The following CADM1 variants were observed in gnomAD, a reference collection of about 807,000 sequenced individuals.
The protein encoded by CADM1 is TSLC-1.
CADM1 carries 15 observed loss-of-function variants against 53.1 expected under a neutral mutation model. That is an observed-to-expected ratio of 0.28 (90% CI 0.19 to 0.44). The LOEUF is 0.44. CADM1 is among the 20% of genes least tolerant of loss of function. CADM1 has a pLI of 1.00. For synonymous variants in CADM1, 281 were observed against 243.0 expected, an observed-to-expected ratio of 1.16 and a Z score of -1.45; for missense variants, 434 against 611.3, an observed-to-expected ratio of 0.71 and a Z score of 3.06.
intron 1 of CADM1, among the ~76,000 whole-genome samples, chr11:115,246,857 AAT>A (rs1301011175): frequency 4.9e-4 from 74 of 152,204 alleles, no homozygotes; most frequent in African/African-American, 1.7e-3. Context: ...TAAAAGGAAA[AAT>A]ATTTTATTTA....
intron 1 of CADM1, among the ~76,000 whole-genome samples, chr11:115,251,869 A>G (rs1241821840): frequency 6.6e-6 from 1 of 152,210 alleles, no homozygotes; most frequent in Non-Finnish European, 1.5e-5. Flanking sequence ...ATGTGGAGAG[A>G]AGTCAGTGGA....
intron 1 of CADM1, among the ~76,000 whole-genome samples, chr11:115,437,057 T>A (rs1948199330): frequency 6.6e-6 from 1 of 152,184 alleles, no homozygotes; most frequent in South Asian, 2.1e-4. Context: ...TAGAGAAATC[T>A]GAGCAGCATC....
At chr11:115,255,301 G>A (rs1041505024) in intron 1 of CADM1, among the ~76,000 whole-genome samples, 5 of 152,116 alleles carry the variant, frequency 3.3e-5, no homozygotes, top group African/African-American at 7.2e-5. Flanking sequence ...AGGGTTTTCC[G>A]TAGCACCCAA....
At chr11:115,327,610 C>A (rs907863871) in intron 1 of CADM1, among the ~76,000 whole-genome samples, 79 of 151,968 alleles carry the variant, frequency 5.2e-4, no homozygotes, top group African/African-American at 1.8e-3. Context: ...AACCTCTACA[C>A]AACACACCTA....
At position 115,233,715 on chromosome 11, in the gene CADM1, TA is replaced by T. The variant is rs113851991; in HGVS notation, c.425-2226del. Among the ~76,000 whole-genome samples, 461 of 142,330 alleles carry T rather than the reference TA, an allele frequency of 3.2e-3. 2 individuals are homozygous for T. The highest frequency in any genetic ancestry group is 7.4e-3 in the Middle Eastern group (2 of 272). The allele number at this position is 142,330 out of a possible 152,430, so 93.4% of individuals were successfully genotyped here. A position where few individuals can be genotyped will look rare whatever the true frequency, so the allele number is the denominator to read the frequency against. The stretch of plus-strand genomic sequence containing the variant: ...TTCTCAACTAAGGAAGGAATGAAAG[TA>T]AAAAAAAAAAATACCTTTCAAGGTC... On this transcript the variant is annotated intron_variant, in intron 3 of 11. Coordinates refer to ENST00000331581, the MANE Select transcript of CADM1 (RefSeq NM_001301043.2).
At chr11:115,418,386 A>G (rs1431999430) in intron 1 of CADM1, among the ~76,000 whole-genome samples, 2 of 152,176 alleles carry the variant, frequency 1.3e-5, no homozygotes, top group Non-Finnish European at 1.5e-5. Flanking sequence ...ATATTTAGAA[A>G]AATCCTATAG....
chr11:115,355,063 C>T (rs561958871), intron 1 of CADM1, among the ~76,000 whole-genome samples: 1 of 152,208 alleles, frequency 6.6e-6, no homozygotes, highest in East Asian at 1.9e-4. Flanking sequence ...TAGAAATTAT[C>T]ACTCTAAAAG....
intron 1 of CADM1, among the ~76,000 whole-genome samples, chr11:115,245,723 T>C (rs1942386624): frequency 6.6e-6 from 1 of 152,164 alleles, no homozygotes; most frequent in African/African-American, 2.4e-5. Flanking sequence ...GGGAAAAATC[T>C]TTCTAACTAC....
intron 1 of CADM1, among the ~76,000 whole-genome samples, chr11:115,422,237 AGACT>A (rs1398560377): frequency 3.5e-4 from 53 of 152,210 alleles, no homozygotes; most frequent in Non-Finnish European, 7.2e-4. Flanking sequence ...GCTCTCAGAC[AGACT>A]ATTTCCTAAA....
chr11:115,370,950 A>G (rs1946292304), intron 1 of CADM1, among the ~76,000 whole-genome samples: 1 of 152,204 alleles, frequency 6.6e-6, no homozygotes, highest in African/African-American at 2.4e-5. Flanking sequence ...AACAGGGACA[A>G]GATTTACTGT....
At chr11:115,291,872 T>C (rs1217800012) in intron 1 of CADM1, among the ~76,000 whole-genome samples, 1 of 152,246 alleles carries the variant, frequency 6.6e-6, no homozygotes, top group Non-Finnish European at 1.5e-5. Context: ...AATTGCCTGT[T>C]GCTCTTTTAA....
intron 9 of CADM1, among the ~76,000 whole-genome samples, chr11:115,195,392 G>A (rs1940096224): frequency 6.6e-6 from 1 of 152,140 alleles, no homozygotes; most frequent in African/African-American, 2.4e-5. Flanking sequence ...TCTTCAAAGG[G>A]AAAGCTTTAA....
intron 1 of CADM1, among the ~76,000 whole-genome samples, chr11:115,295,516 AT>A (rs1944032720): frequency 1.9e-5 from 1 of 52,914 alleles, no homozygotes; most frequent in African/African-American, 1.4e-4. Context: ...TTATATATAT[AT>A]ATATATATAT....
intron 1 of CADM1, among the ~76,000 whole-genome samples, chr11:115,502,154 A>C (rs1949740370): frequency 1.3e-5 from 2 of 152,006 alleles, no homozygotes; most frequent in African/African-American, 4.8e-5. Flanking sequence ...GCAACTTCTC[A>C]CCGCGAGATA....
intron 1 of CADM1, among the ~76,000 whole-genome samples, chr11:115,494,293 G>A (rs1949563356): frequency 6.6e-6 from 1 of 152,102 alleles, no homozygotes; most frequent in South Asian, 2.1e-4. Context: ...CCTTCTGAAA[G>A]ACAAAGATGA....
At chr11:115,231,948 T>C (rs1565313271) in intron 3 of CADM1, among the ~76,000 whole-genome samples, 1 of 152,074 alleles carries the variant, frequency 6.6e-6, no homozygotes. Flanking sequence ...ATCGTGCCAT[T>C]GCATGCCAGC....
chr11:115,419,016 G>A (rs1158927715), intron 1 of CADM1, among the ~76,000 whole-genome samples: 2 of 152,114 alleles, frequency 1.3e-5, no homozygotes, highest in Non-Finnish European at 2.9e-5. Flanking sequence ...GCACACTGAA[G>A]GTTTTTTTGA....
intron 1 of CADM1, among the ~76,000 whole-genome samples, chr11:115,406,920 A>G (rs1947329557): frequency 6.6e-6 from 1 of 151,682 alleles, no homozygotes; most frequent in South Asian, 2.1e-4. Flanking sequence ...ATTGCACTCC[A>G]GCCTGGGCAA....
intron 1 of CADM1, among the ~76,000 whole-genome samples, chr11:115,288,914 G>C (rs1393041706): frequency 6.6e-6 from 1 of 152,120 alleles, no homozygotes; most frequent in East Asian, 1.9e-4. Context: ...AGGTAGCTCA[G>C]AGGGAGCCTC....
Sources: gnomAD v4.1 joint callset for allele counts (sites outside exome capture counted in the v4.1 genomes callset) on GRCh38, gnomAD v4.1.1 for gene constraint, MANE v1.5 for transcripts, NCBI Gene and HGNC (gene_info 2026-07-23, HGNC 2026-07-21) for gene names.